The following STK31 variants were observed in gnomAD, a reference collection of about 807,000 sequenced individuals.
The protein encoded by STK31 is serine/threonine kinase 31.
STK31 carries 89 observed loss-of-function variants against 129.7 expected under a neutral mutation model. The ratio of observed to expected loss-of-function variants is 0.69; its 90% CI spans 0.58 to 0.82. The LOEUF (loss-of-function observed/expected upper bound fraction) is 0.82, where lower values mean the gene tolerates loss of function less well. STK31 is among the 40% of genes least tolerant of loss of function. The pLI is 0.00. For synonymous variants in STK31, 448 were observed against 395.3 expected (o/e 1.13, Z -1.58); for missense variants, 1,187 against 1,176.4 (o/e 1.01, Z -0.13).
chr7:23,799,634 C>T (rs1296022278), intron 22 of STK31, among the ~76,000 whole-genome samples: 1 of 152,144 alleles, frequency 6.6e-6, no homozygotes, highest in Non-Finnish European at 1.5e-5. Flanking sequence ...ACCATAAAAG[C>T]CCTAGAAGAA....
At chr7:23,728,072 CTTTTTTTTTTT>C (rs56355518) in intron 5 of STK31, among the ~76,000 whole-genome samples, 27,559 of 69,364 alleles carry the variant, frequency 0.4, 3,602 homozygotes, top group East Asian at 0.53. Context: ...TTGTGTTAAG[CTTTTTTTTTTT>C]TTTTTTTTTT....
Position 23,788,090 on chromosome 7 carries a change from A to T in STK31, c.2598A>T (p.Glu866Asp), listed in dbSNP as rs1791408892. ...ACAATGTATTTGCTTTAAACCGTGA[A>T]CAAGGAATTGTTGGAGATTTTGACT... ...HQNNVFALNR[E>D]QGIVGDFDFT... The change falls in exon 21 of 24, where the codon GAA (glutamate) becomes GAT (aspartate). Residue 866 changes from glutamate to aspartate, a missense_variant. Physicochemically the swap from Glu to Asp is conservative, Grantham distance 45. This residue lies in a region of STK31 where 975 missense variants were observed against 934.9 expected (regional missense o/e 1.04). Coordinates refer to ENST00000355870, the MANE Select transcript of STK31 (RefSeq NM_031414.5). The T allele has an allele frequency of 6.2e-7, 1 of 1,612,518 alleles. No homozygotes were observed.
intron 22 of STK31, among the ~76,000 whole-genome samples, chr7:23,793,104 G>A (rs1241780622): frequency 6.6e-6 from 1 of 152,250 alleles, no homozygotes; most frequent in African/African-American, 2.4e-5. Context: ...GACTGCACAT[G>A]TATGATAACT....
chr7:23,806,277 G>A (rs1298991647), intron 22 of STK31, among the ~76,000 whole-genome samples: 1 of 152,206 alleles, frequency 6.6e-6, no homozygotes, highest in African/African-American at 2.4e-5. Context: ...TTGCGTGGAT[G>A]TATTTAATAC....
At chr7:23,746,023 G>C (rs1476972469) in intron 8 of STK31, among the ~76,000 whole-genome samples, 1 of 152,246 alleles carries the variant, frequency 6.6e-6, no homozygotes, top group African/African-American at 2.4e-5. Context: ...CTTGCAGCCA[G>C]CTGCAGTGGT....
rs906844356 is a variant in STK31 at position 23,829,893 on chromosome 7, C to A, written c.2830-2243C>A. ...GTGTCCAGGAATTTATATATTTCCT[C>A]TAGGTTTTCCAGTTGTTCATGTATA... On this transcript the variant is annotated intron_variant, in intron 23 of 23. Transcript: ENST00000355870. Among the ~76,000 whole-genome samples, 4 of 152,092 alleles carry A rather than the reference C, an allele frequency of 2.6e-5. No individual in the cohort carries two copies. In the East Asian group the frequency reaches 5.8e-4, roughly 22 times the overall value.
At chr7:23,746,529 G>T (rs563438090) in intron 8 of STK31, among the ~76,000 whole-genome samples, 1 of 152,202 alleles carries the variant, frequency 6.6e-6, no homozygotes, top group South Asian at 2.1e-4. Flanking sequence ...AAATAACAGT[G>T]GCCTCTAGTG....
At chr7:23,780,091 G>A (rs933538490) in intron 15 of STK31, among the ~76,000 whole-genome samples, 3 of 152,108 alleles carry the variant, frequency 2.0e-5, no homozygotes, top group Non-Finnish European at 2.9e-5. Context: ...CTAGGAGAGC[G>A]AGTTCCCCAG....
intron 23 of STK31, among the ~76,000 whole-genome samples, chr7:23,816,751 A>C (rs1793492314): frequency 6.6e-6 from 1 of 152,234 alleles, no homozygotes; most frequent in Non-Finnish European, 1.5e-5. Context: ...TTTCATAGCA[A>C]AATCATATAA....
In STK31 at chr7:23,771,045, A is replaced by C. The variant is rs144732526; in HGVS notation, c.1754A>C (p.Tyr585Ser). The stretch of plus-strand genomic sequence containing the variant: ...GACAAGGAGATAATTTCAAATACAT[A>C]TAGTCAAGTACTGCAAAAGATTCAT... ...DADKEIISNTYSQVLQKIHSE... is the reference protein window; with the variant it reads ...DADKEIISNTSSQVLQKIHSE... The change falls in exon 14 of 24, where the codon TAT (tyrosine) becomes TCT (serine). Residue 585 changes from tyrosine (Y) to serine (S), a missense_variant. This residue lies in a region of STK31 where 975 missense variants were observed against 934.9 expected (regional missense o/e 1.04). Coordinates refer to ENST00000355870, the MANE Select transcript of STK31 (RefSeq NM_031414.5). The C allele has an allele frequency of 6.2e-7, 1 of 1,612,628 alleles. No individual in the cohort carries two copies. Among genetic ancestry groups the C allele is most frequent in the East Asian group, 2.2e-5 (1 of 44,762 alleles).
chr7:23,822,602 CTTTT>C lies in STK31; in HGVS notation c.2829+7394_2829+7397del, dbSNP rs1286261209. Among the ~76,000 whole-genome samples the C allele has an allele frequency of 1.3e-5, 2 of 151,844 alleles. 1 individual carries two copies. Among genetic ancestry groups the C allele is most frequent in the East Asian group, 3.9e-4 (2 of 5,180 alleles). The stretch of plus-strand genomic sequence containing the variant: ...AGGGACAGTTTGACTTTTTCTTTTT[CTTTT>C]TTTATTATTATTATACTTTAAGTTT... On this transcript the variant is annotated intron_variant, in intron 23 of 23. Coordinates refer to ENST00000355870, the MANE Select transcript of STK31 (RefSeq NM_031414.5).
chr7:23,772,690 T>G (rs1408439777), intron 15 of STK31, among the ~76,000 whole-genome samples: 2 of 152,146 alleles, frequency 1.3e-5, no homozygotes, highest in East Asian at 1.9e-4. Context: ...GTTAACTCCC[T>G]TTTTATGGAT....
chr7:23,733,605 G>A (rs546340763), intron 6 of STK31, among the ~76,000 whole-genome samples: 2 of 151,902 alleles, frequency 1.3e-5, no homozygotes, highest in South Asian at 2.1e-4. Flanking sequence ...TCAGGAGATC[G>A]AGACCATCCT....
intron 8 of STK31, among the ~76,000 whole-genome samples, chr7:23,750,122 A>G (rs774029954): frequency 2.9e-5 from 4 of 136,370 alleles, no homozygotes; most frequent in Non-Finnish European, 6.2e-5. Flanking sequence ...GATATGTATG[A>G]TACTGTATTT....
At chr7:23,825,656 G>A (rs1030755545) in intron 23 of STK31, among the ~76,000 whole-genome samples, 2 of 152,106 alleles carry the variant, frequency 1.3e-5, no homozygotes, top group African/African-American at 2.4e-5. Flanking sequence ...GAAGGTGTTT[G>A]CTCTTGCTCC....
rs1243369118 is a variant in STK31 at position 23,758,160 on chromosome 7, C to A, written c.1293+3686C>A. ...TGCATTGACACAGTAACAGTCTGAT[C>A]TGCCTTTCTTTTCCCCACACTACCT... On this transcript the variant is annotated intron_variant, in intron 10 of 23. Transcript: ENST00000355870. 2.0e-5 allele frequency among the ~76,000 whole-genome samples: 3 copies of A among 152,154 alleles called. No homozygotes were observed. In the East Asian group the frequency reaches 5.8e-4, roughly 29 times the overall value.
At chr7:23,807,164 CTAA>C (rs1792765171) in intron 22 of STK31, among the ~76,000 whole-genome samples, 1 of 151,978 alleles carries the variant, frequency 6.6e-6, no homozygotes, top group African/African-American at 2.4e-5. Context: ...TTTAAAATTT[CTAA>C]TGTTTCAGCA....
intron 15 of STK31, among the ~76,000 whole-genome samples, chr7:23,780,648 G>C (rs1402870252): frequency 6.6e-6 from 1 of 152,190 alleles, no homozygotes; most frequent in Admixed American, 6.5e-5. Flanking sequence ...AATCAGATAT[G>C]CATTTGTCTC....
intron 8 of STK31, among the ~76,000 whole-genome samples, chr7:23,742,635 G>A (rs575029834): frequency 3.3e-5 from 5 of 152,306 alleles, no homozygotes; most frequent in South Asian, 4.1e-4. Context: ...GTTTCCCTGC[G>A]TACAGTAGCC....
Sources: gnomAD v4.1 joint callset for allele counts (sites outside exome capture counted in the v4.1 genomes callset) on GRCh38, gnomAD v4.1.1 for gene constraint, gnomAD v4.1.1 regional missense constraint, MANE v1.5 for transcripts, NCBI Gene and HGNC (gene_info 2026-07-23, HGNC 2026-07-21) for gene names.